The following CDIN1 variants were observed in gnomAD, a reference collection of about 807,000 sequenced individuals.
CDIN1 encodes CDAN1-interacting nuclease 1.
In CDIN1, 33 loss-of-function variants were observed where a neutral mutation model predicts 45.3. That is an observed-to-expected ratio of 0.73 (90% CI 0.55 to 0.97). The LOEUF (loss-of-function observed/expected upper bound fraction) is 0.97. Ranked by LOEUF, CDIN1 falls within the 50% of genes least tolerant of loss-of-function variation. CDIN1 has a pLI of 0.00. For synonymous variants in CDIN1, 118 were observed against 124.4 expected (o/e 0.95, Z 0.34); for missense variants, 303 against 339.4 (o/e 0.89, Z 0.84).
chr15:36,773,713 C>T (rs147119920), intron 10 of CDIN1, among the ~76,000 whole-genome samples: 1 of 152,220 alleles, frequency 6.6e-6, no homozygotes, highest in African/African-American at 2.4e-5. Flanking sequence ...GTATCTGACT[C>T]TATATGGCTA....
chr15:36,615,968 A>G (rs370760736), intron 1 of CDIN1, among the ~76,000 whole-genome samples: 3 of 152,322 alleles, frequency 2.0e-5, no homozygotes, highest in East Asian at 3.9e-4. Flanking sequence ...TTGCCTTCAC[A>G]GTGTTTCAAT....
At chr15:36,642,509 C>T (rs2040150423) in intron 1 of CDIN1, among the ~76,000 whole-genome samples, 1 of 152,220 alleles carries the variant, frequency 6.6e-6, no homozygotes, top group Non-Finnish European at 1.5e-5. Flanking sequence ...AGTTGCTTCA[C>T]AGGCTCTGTC....
At chr15:36,600,499 TA>T in intron 1 of CDIN1, among the ~76,000 whole-genome samples, 1 of 152,316 alleles carries the variant, frequency 6.6e-6, no homozygotes, top group Middle Eastern at 3.4e-3. Flanking sequence ...ATTTCTCTGT[TA>T]TTTGGAGTTT....
At chr15:36,580,077 C>G (rs2036971716) in intron 1 of CDIN1, 116 bp downstream of exon 1, 1 of 880,296 alleles carries the variant, frequency 1.1e-6, no homozygotes, top group African/African-American at 1.7e-5. Context: ...ACACCAGTGT[C>G]AGGCGTTAGG....
chr15:36,620,247 A>G (rs2039114650), intron 1 of CDIN1, among the ~76,000 whole-genome samples: 2 of 152,080 alleles, frequency 1.3e-5, no homozygotes, highest in Non-Finnish European at 2.9e-5. Context: ...GCTACCCGGG[A>G]GGCTGAGGCA....
chr15:36,655,978 C>G (rs2040767393), intron 4 of CDIN1, among the ~76,000 whole-genome samples: 1 of 152,014 alleles, frequency 6.6e-6, no homozygotes, highest in Non-Finnish European at 1.5e-5. Flanking sequence ...ATCAATAAAC[C>G]TTTTATTTAC....
intron 10 of CDIN1, among the ~76,000 whole-genome samples, chr15:36,802,434 G>A (rs964218726): frequency 6.6e-6 from 1 of 152,078 alleles, no homozygotes; most frequent in Admixed American, 6.6e-5. Flanking sequence ...AACCAACGAG[G>A]GGTTATTGGG....
intron 3 of CDIN1, among the ~76,000 whole-genome samples, chr15:36,652,041 C>G (rs1286875424): frequency 6.6e-6 from 1 of 152,224 alleles, no homozygotes; most frequent in Non-Finnish European, 1.5e-5. Flanking sequence ...GCTACTCTTT[C>G]ACTGTTTGCA....
chr15:36,684,661 C>T (rs1484677042), intron 5 of CDIN1, among the ~76,000 whole-genome samples: 7 of 151,948 alleles, frequency 4.6e-5, no homozygotes, highest in East Asian at 3.8e-4. Flanking sequence ...ATGGTACCAG[C>T]TCCTCCTTGT....
At chr15:36,668,642 T>G (rs1001484164) in intron 5 of CDIN1, among the ~76,000 whole-genome samples, 1 of 152,152 alleles carries the variant, frequency 6.6e-6, no homozygotes, top group Non-Finnish European at 1.5e-5. Flanking sequence ...ATCGACTGCA[T>G]TGTTTAGATA....
At chr15:36,658,164 G>A (rs1347805150) in intron 5 of CDIN1, 1 of 321,686 alleles carries the variant, frequency 3.1e-6, no homozygotes, top group African/African-American at 2.1e-5. Context: ...CTAAAAAATT[G>A]ATTCATCTTC....
At chr15:36,688,259 A>C (rs1446059354) in intron 5 of CDIN1, among the ~76,000 whole-genome samples, 1 of 152,148 alleles carries the variant, frequency 6.6e-6, no homozygotes, top group Non-Finnish European at 1.5e-5. Flanking sequence ...GAAATTAAAA[A>C]AAAAAAGCTT....
At chr15:36,602,794 C>T (rs549719526) in intron 1 of CDIN1, among the ~76,000 whole-genome samples, 6 of 152,132 alleles carry the variant, frequency 3.9e-5, no homozygotes, top group South Asian at 2.1e-4. Context: ...CTAGCTAACA[C>T]GGTGAAACCC....
chr15:36,749,436 A>T (rs2053398253), intron 10 of CDIN1, among the ~76,000 whole-genome samples: 1 of 152,186 alleles, frequency 6.6e-6, no homozygotes, highest in East Asian at 1.9e-4. Context: ...TATGTGGCCC[A>T]TGTAGCATTT....
At chr15:36,638,856 A>C (rs989216783) in intron 1 of CDIN1, among the ~76,000 whole-genome samples, 1 of 152,244 alleles carries the variant, frequency 6.6e-6, no homozygotes, top group Non-Finnish European at 1.5e-5. Flanking sequence ...ATGCTTAAGC[A>C]GGGATATTAG....
chr15:36,651,346 T>C (rs971757832), intron 3 of CDIN1, among the ~76,000 whole-genome samples: 2 of 152,200 alleles, frequency 1.3e-5, no homozygotes, highest in African/African-American at 2.4e-5. Flanking sequence ...AGTGCAATGC[T>C]ATAAGTTTGC....
intron 10 of CDIN1, among the ~76,000 whole-genome samples, chr15:36,752,218 T>C (rs1217108953): frequency 6.6e-6 from 1 of 152,198 alleles, no homozygotes; most frequent in Non-Finnish European, 1.5e-5. Flanking sequence ...TGCCTATAAA[T>C]ATAGGGCACT....
At chr15:36,733,645 T>G (rs1240896294) in intron 10 of CDIN1, among the ~76,000 whole-genome samples, 1 of 152,080 alleles carries the variant, frequency 6.6e-6, no homozygotes, top group African/African-American at 2.4e-5. Flanking sequence ...TTAGAAAAAA[T>G]CATGTGTTTA....
At chr15:36,600,958 A>G (rs1399785459) in intron 1 of CDIN1, among the ~76,000 whole-genome samples, 1 of 152,038 alleles carries the variant, frequency 6.6e-6, no homozygotes, top group African/African-American at 2.4e-5. Flanking sequence ...TTAGTGATTG[A>G]CTTTTATTCG....
Sources: gnomAD v4.1 joint callset for allele counts (sites outside exome capture counted in the v4.1 genomes callset) on GRCh38, gnomAD v4.1.1 for gene constraint, MANE v1.5 for transcripts, NCBI Gene and HGNC (gene_info 2026-07-23, HGNC 2026-07-21) for gene names.